The following IL17RA variants were observed in gnomAD, a reference collection of about 807,000 sequenced individuals.
The protein encoded by IL17RA is interleukin-17 receptor A.
A neutral mutation model predicts 50.4 loss-of-function variants in IL17RA; 34 were observed. That is an observed-to-expected ratio of 0.67 (90% CI 0.51 to 0.90). The LOEUF is 0.90. Ranked by LOEUF, IL17RA falls within the 40% of genes least tolerant of loss-of-function variation. IL17RA has a pLI of 0.00. For synonymous variants in IL17RA, 585 were observed against 510.4 expected (o/e 1.15, Z -1.97); for missense variants, 1,276 against 1,169.8 (o/e 1.09, Z -1.32).
Position 17,107,728 on chromosome 22 carries a change from G to C in IL17RA, c.1047G>C (p.Gly349=), listed in dbSNP as rs756320177. ...LIVCMTWRLA[G]PGSEKYSDDT... is the part of the protein sequence containing the mutation. ...CAGTGTATTTCTTTTCCTTTCCAGG[G>C]CCTGGAAGTGAAAAATACAGTGATG... The change falls in exon 12 of 13, where the codon GGG becomes GGC. Residue 349 remains glycine, a splice_region_variant and synonymous_variant. Coordinates refer to ENST00000319363, the MANE Select transcript of IL17RA (RefSeq NM_014339.7). The C allele has an allele frequency of 1.9e-6, 3 of 1,612,744 alleles. No homozygotes were observed. The South Asian group carries it at 3.3e-5, about 18-fold the overall frequency.
In IL17RA at chr22:17,114,793, T is replaced by G. The variant is rs2061460323; in HGVS notation, c.*4973T>G. ...CAACAGCCGACTACCGAAGGTTGCCTGGAGCAGTGCAGATGTGGGAGGAAG... is the reference window on the plus strand; with the variant it reads ...CAACAGCCGACTACCGAAGGTTGCCGGGAGCAGTGCAGATGTGGGAGGAAG... On this transcript the variant is annotated 3_prime_UTR_variant, in exon 13 of 13. Coordinates refer to ENST00000319363, the MANE Select transcript of IL17RA (RefSeq NM_014339.7). 1 of 152,206 alleles carries G rather than the reference T, an allele frequency of 6.6e-6. No homozygotes were observed. The highest frequency in any genetic ancestry group is 1.5e-5 in the Non-Finnish European group (1 of 68,046). The allele number at this position is 152,206 out of a possible 1,614,324, so 9.4% of individuals were successfully genotyped here.
intron 8 of IL17RA, 135 bp downstream of exon 8, chr22:17,103,712 T>G: frequency 1.4e-6 from 1 of 739,904 alleles, no homozygotes; most frequent in Non-Finnish European, 2.3e-6. Flanking sequence ...GAGAGAGTGG[T>G]GTGGACGGGA....
At chr22:17,100,569 AGCAAGACATTG>A in intron 5 of IL17RA, 88 bp downstream of exon 5, 10 of 1,531,884 alleles carry the variant, frequency 6.5e-6, no homozygotes, top group Non-Finnish European at 1.8e-6. Flanking sequence ...CCCCCTGCTC[AGCAAGACATTG>A]GCTGGCATTG....
intron 1 of IL17RA, among the ~76,000 whole-genome samples, chr22:17,094,654 A>ACTCTCTCTCTCTCTCTCTCTCTCT (rs774982179): frequency 1.4e-4 from 3 of 21,622 alleles, no homozygotes; most frequent in African/African-American, 5.8e-4. Flanking sequence ...AGTCATACAC[A>ACTCTCTCTCTCTCTCTCTCTCTCT]CACTCTCTCT....
rs551950281 is a variant in IL17RA, at chr22:17,112,859, C to T, written c.*3039C>T. ...TCTCCTGAGTGTGCAGAGGTGGTTC[C>T]GGTTGGGAAAGAAGCAGCGGAGCAT... is the stretch of plus-strand genomic sequence containing the variant. On this transcript the variant is annotated 3_prime_UTR_variant, in exon 13 of 13. Coordinates refer to ENST00000319363, the MANE Select transcript of IL17RA (RefSeq NM_014339.7). 1.3e-5 allele frequency: 2 copies of T among 152,298 alleles called. No individual in the cohort carries two copies. Among genetic ancestry groups the T allele is most frequent in the Admixed American group, 6.5e-5 (1 of 15,300 alleles). 9.4% of individuals were successfully genotyped at this position (152,298 alleles called of 1,614,324 possible). A position where few individuals can be genotyped will look rare whatever the true frequency, so the allele number is the denominator to read the frequency against.
At chr22:17,094,291 CTCT>C (rs2061357974) in intron 1 of IL17RA, among the ~76,000 whole-genome samples, 1 of 152,014 alleles carries the variant, frequency 6.6e-6, no homozygotes, top group Non-Finnish European at 1.5e-5. Flanking sequence ...CCAGCCAACA[CTCT>C]TCTTTACAGG....
At chr22:17,105,719 G>GGGGCGGTGAGACCA in intron 10 of IL17RA, 117 bp downstream of exon 10, 1 of 1,371,374 alleles carries the variant, frequency 7.3e-7, no homozygotes, top group African/African-American at 1.5e-5. Flanking sequence ...CCAGCCCGGG[G>GGGGCGGTGAGACCA]TGGGGGGTGA....
chr22:17,113,789 G>T lies in IL17RA; in HGVS notation c.*3969G>T, dbSNP rs886057233. The T allele has an allele frequency of 2.6e-5, 4 of 152,334 alleles. No homozygotes were observed. Among genetic ancestry groups the T allele is most frequent in the Non-Finnish European group, 5.9e-5 (4 of 68,122 alleles). 9.4% of individuals were successfully genotyped at this position (152,334 alleles called of 1,614,324 possible). A position where few individuals can be genotyped will look rare whatever the true frequency, so the allele number is the denominator to read the frequency against. On this transcript the variant is annotated 3_prime_UTR_variant, in exon 13 of 13. Coordinates refer to ENST00000319363, the MANE Select transcript of IL17RA (RefSeq NM_014339.7). ...GACAGAGGATCCTTACAAAGAAGAG[G>T]CAGCAGGGTTGGGGGCTGGCCAGCT...
intron 1 of IL17RA, 118 bp downstream of exon 1, chr22:17,085,347 G>A: frequency 6.7e-7 from 1 of 1,486,090 alleles, no homozygotes; most frequent in Non-Finnish European, 8.9e-7. Flanking sequence ...AGTCCGCGCC[G>A]CGGGCTTAGA....
intron 4 of IL17RA, 123 bp from the exon 5 acceptor site, chr22:17,100,230 GTT>G: frequency 8.6e-7 from 1 of 1,167,534 alleles, no homozygotes; most frequent in Admixed American, 1.7e-5. Flanking sequence ...TTTTGCTGTG[GTT>G]GTTGCTTTGT....
intron 4 of IL17RA, 122 bp from the exon 5 acceptor site, chr22:17,100,233 G>A (rs1315896648): frequency 5.0e-6 from 6 of 1,204,444 alleles, no homozygotes; most frequent in Non-Finnish European, 7.4e-6. Context: ...TGCTGTGGTT[G>A]TTGCTTTGTT....
In IL17RA at chr22:17,109,418, C is replaced by T; in HGVS notation, c.2199C>T (p.Pro733=). ...PEDSPLGSST[P]MASPDLLPED... ...ACTCGCCCCTTGGCAGCAGCACCCC[C>T]ATGGCGTCTCCTGACCTCCTTCCAG... Residue 733 remains proline (P), a synonymous_variant, in exon 13 of 13, where the codon CCC becomes CCT. Coordinates refer to ENST00000319363, the MANE Select transcript of IL17RA (RefSeq NM_014339.7). 6.2e-7 allele frequency: 1 copy of T among 1,613,338 alleles called. No individual in the cohort carries two copies. Among genetic ancestry groups the T allele is most frequent in the South Asian group, 1.1e-5 (1 of 91,050 alleles).
chr22:17,099,613 A>G (rs2061382587), intron 4 of IL17RA, among the ~76,000 whole-genome samples: 1 of 152,028 alleles, frequency 6.6e-6, no homozygotes, highest in Non-Finnish European at 1.5e-5. Flanking sequence ...AAAACAAGTT[A>G]GATCTCCCAC....
intron 5 of IL17RA, 63 bp downstream of exon 5, chr22:17,100,544 G>T (rs2061387268): frequency 3.8e-6 from 6 of 1,594,658 alleles, no homozygotes; most frequent in Non-Finnish European, 4.3e-6. Context: ...AGCACCAGGT[G>T]GCACAGATGC....
Position 17,113,756 on chromosome 22 carries a change from C to G in IL17RA, c.*3936C>G, listed in dbSNP as rs1267438402. On this transcript the variant is annotated 3_prime_UTR_variant, in exon 13 of 13. Coordinates refer to ENST00000319363, the MANE Select transcript of IL17RA (RefSeq NM_014339.7). ...GCCGGGCCTGCATCCCACAAGTCAA[C>G]TGTGTCGGACAGAGGATCCTTACAA... 6.6e-6 allele frequency: 1 copy of G among 152,278 alleles called. No individual in the cohort carries two copies. Among genetic ancestry groups the G allele is most frequent in the African/African-American group, 2.4e-5 (1 of 41,458 alleles). 9.4% of individuals were successfully genotyped at this position (152,278 alleles called of 1,614,324 possible).
chr22:17,107,632 T>C, intron 11 of IL17RA, 95 bp from the exon 12 acceptor site: 1 of 1,105,642 alleles, frequency 9.0e-7, no homozygotes, highest in East Asian at 2.4e-5. Context: ...CCCCTTACCC[T>C]TCACCCTTTG....
Position 17,112,166 on chromosome 22 carries a change from A to G in IL17RA, c.*2346A>G, listed in dbSNP as rs1277489120. On this transcript the variant is annotated 3_prime_UTR_variant, in exon 13 of 13. Transcript: ENST00000319363. The stretch of plus-strand genomic sequence containing the variant: ...CTTCCTGCGTAGAGCACATGTTCCC[A>G]TCTGCTCCCATTCCTCAGGAACCTT... 1 of 152,010 alleles carries G rather than the reference A, an allele frequency of 6.6e-6. No individual in the cohort carries two copies. Among genetic ancestry groups the G allele is most frequent in the African/African-American group, 2.4e-5 (1 of 41,398 alleles). 9.4% of individuals were successfully genotyped at this position (152,010 alleles called of 1,614,324 possible).
chr22:17,092,399 C>A (rs958276824), intron 1 of IL17RA, among the ~76,000 whole-genome samples: 4 of 152,112 alleles, frequency 2.6e-5, no homozygotes, highest in African/African-American at 9.7e-5. Flanking sequence ...CACGTTGAAC[C>A]CGGTTGGTCT....
chr22:17,102,091 A>ATG, intron 6 of IL17RA, 48 bp downstream of exon 6: 2 of 1,614,062 alleles, frequency 1.2e-6, no homozygotes, highest in Non-Finnish European at 8.5e-7. Flanking sequence ...ACACATGCAC[A>ATG]TGTGCGTGCC....
Sources: gnomAD v4.1 joint callset for allele counts (sites outside exome capture counted in the v4.1 genomes callset) on GRCh38, gnomAD v4.1.1 for gene constraint, MANE v1.5 for transcripts, NCBI Gene and HGNC (gene_info 2026-07-23, HGNC 2026-07-21) for gene names.